Variants in VOPP1 observed in about 807,000 individuals in gnomAD.
VOPP1 encodes VOPP1 WW domain binding protein, also known as WW domain binding protein VOPP1.
Under a neutral mutation model 23.5 loss-of-function variants are expected in VOPP1, and 8 were observed. That is an observed-to-expected ratio of 0.34 (90% CI 0.20 to 0.61). The LOEUF (loss-of-function observed/expected upper bound fraction) is 0.61, where lower values mean the gene tolerates loss of function less well. Among genes scored for constraint, VOPP1 ranks in the 20% least tolerant of loss-of-function variants. The pLI is 0.78. For missense variants in VOPP1, 174 were observed against 238.1 expected, an observed-to-expected ratio of 0.73 and a Z score of 1.77; for synonymous variants, 83 against 97.3, an observed-to-expected ratio of 0.85 and a Z score of 0.86.
intron 1 of VOPP1, among the ~76,000 whole-genome samples, chr7:55,570,920 C>G (rs1798330532): frequency 6.6e-6 from 1 of 151,694 alleles, no homozygotes; most frequent in South Asian, 2.1e-4. Flanking sequence ...CAAGCCTGGG[C>G]CACAGAACGA....
At position 55,517,042 on chromosome 7, in the gene VOPP1, C is replaced by T. The variant is rs1192268552; in HGVS notation, c.113+4030G>A. On this transcript the variant is annotated intron_variant, in intron 2 of 4. Coordinates refer to ENST00000285279, the MANE Select transcript of VOPP1 (RefSeq NM_030796.5). Reference sequence around the variant, plus strand: ...GCAACCTCTGTCTCTGGGGCTCAAGCGATTCTCATGCCTCAGCCTCCCAAG... The same window carrying T: ...GCAACCTCTGTCTCTGGGGCTCAAGTGATTCTCATGCCTCAGCCTCCCAAG... Among the ~76,000 whole-genome samples, 8 of 140,038 alleles carry T rather than the reference C, an allele frequency of 5.7e-5. No homozygotes were observed. In the South Asian group the frequency reaches 9.4e-4, roughly 16 times the overall value. The allele number at this position is 140,038 out of a possible 152,430, so 91.9% of individuals were successfully genotyped here.
chr7:55,561,778 C>A, intron 1 of VOPP1: 11 of 401,680 alleles, frequency 2.7e-5, no homozygotes, highest in East Asian at 4.5e-5. Flanking sequence ...CAAGCAATTA[C>A]AGTATCTGAG....
downstream of VOPP1, among the ~76,000 whole-genome samples, chr7:55,469,077 C>G (rs1791708702): frequency 6.6e-6 from 1 of 152,070 alleles, no homozygotes; most frequent in Non-Finnish European, 1.5e-5. Flanking sequence ...TATGAGTGTT[C>G]ACGGTAATTT....
chr7:55,501,217 A>G (rs1298236249), intron 2 of VOPP1, among the ~76,000 whole-genome samples: 1 of 152,224 alleles, frequency 6.6e-6, no homozygotes, highest in East Asian at 1.9e-4. Flanking sequence ...AGGTAACTTA[A>G]TCATAGAGAC....
At chr7:55,497,568 G>T (rs1479950424) in intron 3 of VOPP1, 45 bp downstream of exon 3, 9 of 1,113,914 alleles carry the variant, frequency 8.1e-6, no homozygotes, top group Non-Finnish European at 1.0e-5. Flanking sequence ...GGGGGGGGGG[G>T]GGCAGAGCTC....
intron 2 of VOPP1, among the ~76,000 whole-genome samples, chr7:55,512,423 CA>C (rs959464456): frequency 9.8e-5 from 14 of 143,452 alleles, no homozygotes; most frequent in African/African-American, 1.0e-4. Context: ...GATTCCGTTT[CA>C]AAAAAAAAAG....
intron 2 of VOPP1, among the ~76,000 whole-genome samples, chr7:55,508,785 G>A (rs1480867185): frequency 6.6e-6 from 1 of 152,140 alleles, no homozygotes; most frequent in Non-Finnish European, 1.5e-5. Flanking sequence ...TCTCTGGAAG[G>A]TGTTTTTCAT....
chr7:55,550,549 C>A (rs1014507603), intron 1 of VOPP1, among the ~76,000 whole-genome samples: 1 of 152,150 alleles, frequency 6.6e-6, no homozygotes, highest in Non-Finnish European at 1.5e-5. Context: ...AGAAATCCAT[C>A]CTTTAAAAAA....
chr7:55,510,570 C>CTTTT (rs34545604), intron 2 of VOPP1, among the ~76,000 whole-genome samples: 62 of 119,788 alleles, frequency 5.2e-4, no homozygotes, highest in African/African-American at 1.8e-3. Flanking sequence ...AGGGCACTGG[C>CTTTT]TTTTTTTTTT....
At position 55,539,982 on chromosome 7, in the gene VOPP1, AG is replaced by A. The variant is rs371816557; in HGVS notation, c.55-18853del. On this transcript the variant is annotated intron_variant, in intron 1 of 4. Transcript: ENST00000285279. ...AAACAGCAGGAACACTCATGAATTA[AG>A]ACAGATAATCCCCAACTTAGGGATG... is the stretch of plus-strand genomic sequence containing the variant. Among the ~76,000 whole-genome samples, 465 of 152,090 alleles carry A rather than the reference AG, an allele frequency of 3.1e-3. 2 individuals carry two copies. Among genetic ancestry groups the A allele is most frequent in the African/African-American group, 0.011 (441 of 41,482 alleles).
chr7:55,489,512 T>C (rs1273962596), intron 4 of VOPP1, among the ~76,000 whole-genome samples: 2 of 152,184 alleles, frequency 1.3e-5, no homozygotes, highest in Non-Finnish European at 2.9e-5. Context: ...GCACTCATGA[T>C]GGTCAGTCAC....
intron 2 of VOPP1, among the ~76,000 whole-genome samples, chr7:55,518,393 G>A (rs112224046): frequency 2.6e-5 from 4 of 152,222 alleles, no homozygotes; most frequent in African/African-American, 9.6e-5. Context: ...GCACGAACAT[G>A]ATTGCAAACA....
chr7:55,560,453 G>C (rs1032496617), intron 1 of VOPP1, among the ~76,000 whole-genome samples: 5 of 152,180 alleles, frequency 3.3e-5, no homozygotes, highest in African/African-American at 1.2e-4. Context: ...AGAGAAATTA[G>C]AAGACACAGA....
chr7:55,551,660 G>A (rs1182781424), intron 1 of VOPP1, among the ~76,000 whole-genome samples: 1 of 152,200 alleles, frequency 6.6e-6, no homozygotes. Context: ...CAGGGCTGAG[G>A]TGGAGGAAGA....
intron 1 of VOPP1, among the ~76,000 whole-genome samples, chr7:55,556,767 A>T (rs995313617): frequency 6.6e-6 from 1 of 152,190 alleles, no homozygotes; most frequent in African/African-American, 2.4e-5. Flanking sequence ...CATTGACTAA[A>T]GGGAAACCAT....
At chr7:55,493,701 C>T (rs943272269) in intron 3 of VOPP1, among the ~76,000 whole-genome samples, 3 of 152,126 alleles carry the variant, frequency 2.0e-5, no homozygotes, top group Non-Finnish European at 4.4e-5. Context: ...AGGGGCCCCC[C>T]GACCCCGCCA....
chr7:55,442,646 G>A (rs571464524), intron 4 of VOPP1, among the ~76,000 whole-genome samples: 1,453 of 118,126 alleles, frequency 0.012, 20 homozygotes, highest in African/African-American at 0.045. Context: ...CACTTTTGAA[G>A]TAGACCAAAA....
chr7:55,473,091 T>A (rs753796961), intron 4 of VOPP1, 46 bp from the exon 5 acceptor site: 3 of 1,569,204 alleles, frequency 1.9e-6, no homozygotes, highest in Non-Finnish European at 8.6e-7. Flanking sequence ...GAAAGCCCCA[T>A]CACACCGCAA....
intron 2 of VOPP1, among the ~76,000 whole-genome samples, chr7:55,516,932 A>ATATT (rs1562947689): frequency 2.2e-5 from 1 of 45,156 alleles, no homozygotes; most frequent in African/African-American, 1.2e-4. Context: ...ATATATATAT[A>ATATT]TTTTTTTTTT....
Sources: gnomAD v4.1 joint callset for allele counts (sites outside exome capture counted in the v4.1 genomes callset) on GRCh38, gnomAD v4.1.1 for gene constraint, MANE v1.5 for transcripts, NCBI Gene and HGNC (gene_info 2026-07-23, HGNC 2026-07-21) for gene names.